Variants in ENPP2 observed in about 807,000 individuals in gnomAD.
The protein encoded by ENPP2 is autotaxin.
Under a neutral mutation model 120.2 loss-of-function variants are expected in ENPP2, and 51 were observed. The ratio of observed to expected loss-of-function variants is 0.42; its 90% CI spans 0.34 to 0.54. ENPP2 has a LOEUF of 0.54. Among genes scored for constraint, ENPP2 ranks in the 20% least tolerant of loss-of-function variants. ENPP2 has a pLI of 0.04. For synonymous variants in ENPP2, 365 were observed against 366.4 expected, an observed-to-expected ratio of 1.00 and a Z score of 0.04; for missense variants, 920 against 1,066.5, an observed-to-expected ratio of 0.86 and a Z score of 1.91.
Position 119,626,623 on chromosome 8 carries a change from G to A in ENPP2, c.234C>T (p.Asn78=), listed in dbSNP as rs762514901. Residue 78 remains asparagine, a synonymous_variant, in exon 3 of 25, where the codon AAC becomes AAT. Coordinates refer to ENST00000075322, the MANE Select transcript of ENPP2 (RefSeq NM_001040092.3). ...EAGPPDCRCD[N]LCKSYTSCCH... ...AGCAACTGGTATAGCTCTTACACAA[G>A]TTGTCACAGCGACAATCAGGAGGTC... 2.7e-5 allele frequency: 43 copies of A among 1,613,894 alleles called. No individual in the cohort carries two copies. In the South Asian group the frequency reaches 3.7e-4, roughly 14 times the overall value.
At chr8:119,582,314 C>G in intron 18 of ENPP2, 104 bp downstream of exon 18, 1 of 838,684 alleles carries the variant, frequency 1.2e-6, no homozygotes, top group Admixed American at 2.6e-5. Flanking sequence ...CCATTTTGGA[C>G]AGCATAATTA....
chr8:119,643,826 GAGA>G (rs994023513), upstream of ENPP2, among the ~76,000 whole-genome samples: 6 of 152,256 alleles, frequency 3.9e-5, no homozygotes, highest in Non-Finnish European at 8.8e-5. Context: ...AAGAGGGTCA[GAGA>G]AGAATTTGTG....
At chr8:119,579,821 A>G (rs1316964192) in intron 19 of ENPP2, among the ~76,000 whole-genome samples, 1 of 152,090 alleles carries the variant, frequency 6.6e-6, no homozygotes, top group African/African-American at 2.4e-5. Flanking sequence ...CCTTTATAGG[A>G]GTGCCCCACA....
chr8:119,613,277 T>G (rs1406162540), intron 8 of ENPP2, among the ~76,000 whole-genome samples: 5 of 152,210 alleles, frequency 3.3e-5, no homozygotes, highest in African/African-American at 4.8e-5. Context: ...AGACTTTAAT[T>G]GACTATATCA....
chr8:119,557,791 T>G, intron 24 of ENPP2, 100 bp from the exon 25 acceptor site: 1 of 973,536 alleles, frequency 1.0e-6, no homozygotes, highest in Non-Finnish European at 1.5e-6. Flanking sequence ...CTGTGCACTC[T>G]TGCACACAGA....
intron 1 of ENPP2, among the ~76,000 whole-genome samples, chr8:119,647,986 C>T (rs1295997011): frequency 5.9e-5 from 9 of 152,134 alleles, no homozygotes; most frequent in Admixed American, 3.9e-4. Context: ...GCCTGGGCAA[C>T]AAGAACAAAA....
intron 24 of ENPP2, among the ~76,000 whole-genome samples, chr8:119,558,723 A>AGGG (rs148711629): frequency 0.032 from 4,798 of 152,168 alleles, 251 homozygotes; most frequent in African/African-American, 0.11. Flanking sequence ...ATTGAGCAGG[A>AGGG]CCTTTGCAAG....
upstream of ENPP2, among the ~76,000 whole-genome samples, chr8:119,643,020 A>T (rs1587562114): frequency 6.6e-6 from 1 of 152,338 alleles, no homozygotes; most frequent in Middle Eastern, 3.4e-3. Context: ...TATTCCCAGA[A>T]TAATCCTAAG....
At chr8:119,599,915 G>A (rs1814167875) in intron 11 of ENPP2, among the ~76,000 whole-genome samples, 1 of 151,244 alleles carries the variant, frequency 6.6e-6, no homozygotes, top group African/African-American at 2.4e-5. Context: ...GCTGAGACAG[G>A]AGAATCACTT....
At chr8:119,646,161 G>A (rs1375818044) in intron 1 of ENPP2, among the ~76,000 whole-genome samples, 1 of 151,906 alleles carries the variant, frequency 6.6e-6, no homozygotes, top group Non-Finnish European at 1.5e-5. Context: ...AGTAGAGACG[G>A]GGTTTCACTG....
intron 5 of ENPP2, among the ~76,000 whole-genome samples, 171 bp downstream of exon 5, chr8:119,619,073 C>T (rs1327087359): frequency 6.6e-6 from 1 of 152,156 alleles, no homozygotes; most frequent in Non-Finnish European, 1.5e-5. Context: ...ATCACCATTT[C>T]AAGACCTACC....
rs751494963 is a variant in ENPP2, at chr8:119,582,615, A to G, written c.1544-13T>C. The stretch of plus-strand genomic sequence containing the variant: ...AATCCCAGGAGATCTAATGAAAATT[A>G]AGAAAAGGAGGCAGGTGCTTCTTAT... On this transcript the variant is annotated splice_polypyrimidine_tract_variant and intron_variant, in intron 17 of 24. Transcript: ENST00000075322. 1.3e-6 allele frequency: 2 copies of G among 1,593,392 alleles called. No homozygotes were observed. Among genetic ancestry groups the G allele is most frequent in the Non-Finnish European group, 1.7e-6 (2 of 1,162,444 alleles).
chr8:119,568,343 A>C (rs1814653003), intron 21 of ENPP2, 91 bp from the exon 22 acceptor site: 5 of 740,694 alleles, frequency 6.8e-6, no homozygotes, highest in Non-Finnish European at 1.2e-5. Context: ...ATTTTCTTAA[A>C]TGGTCCAAAC....
chr8:119,629,649 G>A (rs1816521433), intron 2 of ENPP2, among the ~76,000 whole-genome samples: 1 of 152,116 alleles, frequency 6.6e-6, no homozygotes, highest in Non-Finnish European at 1.5e-5. Flanking sequence ...CATACAAACC[G>A]TACGAGTTCA....
At chr8:119,635,871 T>A (rs1187158177) in intron 2 of ENPP2, among the ~76,000 whole-genome samples, 1 of 152,186 alleles carries the variant, frequency 6.6e-6, no homozygotes, top group African/African-American at 2.4e-5. Context: ...ACCTTGAAAC[T>A]AACACCCCAG....
At chr8:119,653,924 C>G (rs548311821) in intron 1 of ENPP2, among the ~76,000 whole-genome samples, 2 of 148,484 alleles carry the variant, frequency 1.3e-5, no homozygotes, top group Non-Finnish European at 3.0e-5. Context: ...ATGCATCTCT[C>G]TATATATTTT....
intron 18 of ENPP2, chr8:119,580,493 TA>T: frequency 3.5e-6 from 1 of 285,242 alleles, no homozygotes; most frequent in Middle Eastern, 1.1e-3. Context: ...GGATAGCGCC[TA>T]AATGTTTCAG....
chr8:119,623,190 G>T (rs1323542812), intron 3 of ENPP2, among the ~76,000 whole-genome samples: 5 of 152,168 alleles, frequency 3.3e-5, no homozygotes, highest in Non-Finnish European at 7.3e-5. Flanking sequence ...TACGGGCCAG[G>T]CTCAGTGGCT....
In ENPP2 at chr8:119,619,815, AAG is replaced by A. The variant is rs1815760264; in HGVS notation, c.419-513_419-512del. ...TCTCCATACAGCCCTTGAATTTAGAAAGAAAAAAATGCTAAATTTCACTTTTT... is the reference window on the plus strand; with the variant it reads ...TCTCCATACAGCCCTTGAATTTAGAAAAAAAAATGCTAAATTTCACTTTTT... On this transcript the variant is annotated intron_variant, in intron 4 of 24. Coordinates refer to ENST00000075322, the MANE Select transcript of ENPP2 (RefSeq NM_001040092.3). 2.6e-5 allele frequency among the ~76,000 whole-genome samples: 4 copies of A among 152,296 alleles called. No individual in the cohort carries two copies. The South Asian group carries it at 8.3e-4, about 32-fold the overall frequency.
Sources: allele counts gnomAD v4.1 joint callset (sites outside exome capture counted in the v4.1 genomes callset), GRCh38; gene constraint gnomAD v4.1.1; transcripts MANE v1.5; gene names NCBI Gene and HGNC (gene_info 2026-07-23, HGNC 2026-07-21).